The following CES3 variants were observed in gnomAD, a reference collection of about 807,000 sequenced individuals.
The protein encoded by CES3 is carboxylesterase 3 (brain).
Under a neutral mutation model 57.6 loss-of-function variants are expected in CES3, and 49 were observed. The ratio of observed to expected loss-of-function variants is 0.85; its 90% CI spans 0.68 to 1.08. The LOEUF is 1.08. Among genes scored for constraint, CES3 ranks in the 50% least tolerant of loss-of-function variants. The pLI, the probability that CES3 is intolerant of heterozygous loss-of-function variation, is 0.00. For missense variants in CES3, 645 were observed against 742.0 expected (o/e 0.87, Z 1.52); for synonymous variants, 266 against 281.6 (o/e 0.94, Z 0.55).
chr16:66,963,266 T>C lies in CES3; in HGVS notation c.170T>C (p.Val57Ala), dbSNP rs1567555173. ...GGCGTGAAGGGCACAGACCGCCTTGTGAATGTCTTTCTGGGCATTCCATTT... is the reference window on the plus strand; with the variant it reads ...GGCGTGAAGGGCACAGACCGCCTTGCGAATGTCTTTCTGGGCATTCCATTT... ...QVGVKGTDRLVNVFLGIPFAQ... is the reference protein window; with the variant it reads ...QVGVKGTDRLANVFLGIPFAQ... Residue 57 changes from valine to alanine, a missense_variant, in exon 2 of 13, where the codon GTG becomes GCG. Coordinates refer to ENST00000303334, the MANE Select transcript of CES3 (RefSeq NM_024922.6). The surrounding 1 kb of genome is among the most constrained non-coding windows in gnomAD (Gnocchi z 4.9). 1 of 1,613,968 alleles carries C rather than the reference T, an allele frequency of 6.2e-7. No individual in the cohort carries two copies. The highest frequency in any genetic ancestry group is 8.5e-7 in the Non-Finnish European group (1 of 1,180,002).
intron 8 of CES3, chr16:66,967,840 C>A: frequency 1.2e-6 from 1 of 829,968 alleles, no homozygotes; most frequent in Non-Finnish European, 1.5e-6. Context: ...TGACTCTCTA[C>A]TGCCTCAACC....
chr16:66,964,811 G>C (rs1456945050), intron 6 of CES3, 84 bp downstream of exon 6: 10 of 1,142,434 alleles, frequency 8.8e-6, no homozygotes, highest in Non-Finnish European at 1.2e-5. Flanking sequence ...GAGTAGCGGG[G>C]TTTGCTGGCA....
chr16:66,967,603 A>C (rs1392057922), intron 8 of CES3: 2 of 984,880 alleles, frequency 2.0e-6, no homozygotes, highest in African/African-American at 3.5e-5. Context: ...GAGTGTCAGC[A>C]CTGTGCTTTC....
In CES3 at chr16:66,963,588, G is replaced by T. The variant is rs61745806; in HGVS notation, c.385G>T (p.Val129Phe). 1 of 1,614,188 alleles carries T rather than the reference G, an allele frequency of 6.2e-7. No individual in the cohort carries two copies. Among genetic ancestry groups the T allele is most frequent in the South Asian group, 1.1e-5 (1 of 91,078 alleles). Reference sequence around the variant, plus strand: ...TTCAGAGGACTGCCTGGTCCTCAACGTCTATAGCCCAGCTGAGGTCCCCGC... The same window carrying T: ...TTCAGAGGACTGCCTGGTCCTCAACTTCTATAGCCCAGCTGAGGTCCCCGC... ...SVSEDCLVLN[V>F]YSPAEVPAGS... is the part of the protein sequence containing the mutation. Residue 129 changes from valine to phenylalanine, a missense_variant, in exon 3 of 13, where the codon GTC becomes TTC. Coordinates refer to ENST00000303334, the MANE Select transcript of CES3 (RefSeq NM_024922.6). The surrounding 1 kb of genome is among the most constrained non-coding windows in gnomAD (Gnocchi z 4.9).
chr16:66,964,335 G>A (rs755522842), intron 4 of CES3, 22 bp from the exon 5 acceptor site: 135 of 1,611,066 alleles, frequency 8.4e-5, no homozygotes, highest in Middle Eastern at 1.7e-4. Flanking sequence ...TGAACTAACC[G>A]TTGCCCCAAC....
At chr16:66,965,194 G>A (rs192958255) in intron 6 of CES3, among the ~76,000 whole-genome samples, 13 of 152,368 alleles carry the variant, frequency 8.5e-5, no homozygotes, top group Admixed American at 6.5e-4. Flanking sequence ...GAGCAAGCTC[G>A]CAGGTTAGGG....
At chr16:66,971,771 A>G (rs566772476) in intron 10 of CES3, among the ~76,000 whole-genome samples, 1 of 152,288 alleles carries the variant, frequency 6.6e-6, no homozygotes, top group East Asian at 1.9e-4. Flanking sequence ...TCCTTTGTAA[A>G]ATGGAAATAA....
In CES3 at chr16:66,971,330, C is replaced by G. The variant is rs770277752; in HGVS notation, c.1291+11C>G. On this transcript the variant is annotated intron_variant, in intron 10 of 12. Coordinates refer to ENST00000303334, the MANE Select transcript of CES3 (RefSeq NM_024922.6). The stretch of plus-strand genomic sequence containing the variant: ...CAAGATACCTTCGAGGTAAGCCTGT[C>G]CCTGGCCACCTGCCCAACCCCTCCC... 1.2e-6 allele frequency: 2 copies of G among 1,609,694 alleles called. No individual in the cohort carries two copies. Among genetic ancestry groups the G allele is most frequent in the South Asian group, 2.2e-5 (2 of 90,522 alleles).
At chr16:66,969,424 A>G (rs1347301179) in intron 8 of CES3, among the ~76,000 whole-genome samples, 1 of 152,132 alleles carries the variant, frequency 6.6e-6, no homozygotes, top group African/African-American at 2.4e-5. Context: ...AATGTTGAAG[A>G]AATTTTTCAT....
intron 10 of CES3, among the ~76,000 whole-genome samples, 164 bp from the exon 11 acceptor site, chr16:66,972,192 G>A (rs955180170): frequency 6.6e-6 from 1 of 152,116 alleles, no homozygotes; most frequent in African/African-American, 2.4e-5. Context: ...ACACAGAATG[G>A]TGCCTGTCAC....
chr16:66,969,860 A>G (rs1963800508), intron 9 of CES3, 101 bp downstream of exon 9: 1 of 979,932 alleles, frequency 1.0e-6, no homozygotes, highest in Non-Finnish European at 1.6e-6. Context: ...TCCGACACCC[A>G]CAGCTACCCA....
intron 9 of CES3, among the ~76,000 whole-genome samples, chr16:66,970,155 C>A (rs1356603247): frequency 6.9e-6 from 1 of 145,814 alleles, no homozygotes; most frequent in Non-Finnish European, 1.5e-5. Flanking sequence ...GTCGCCAAGG[C>A]TGGAGTGCAG....
Position 66,963,691 on chromosome 16 carries a change from C to G in CES3, c.426+62C>G, listed in dbSNP as rs1348075997. On this transcript the variant is annotated intron_variant, in intron 3 of 12. Transcript: ENST00000303334. This position sits in a 1 kb window ranked among gnomAD's most constrained non-coding sequence, Gnocchi z 4.9. ...CTCCACTATGCCTACCTGTCCCCTC[C>G]CCGTCCCTGTTTCCAAAGCACCCTA... is the stretch of plus-strand genomic sequence containing the variant. 2 of 1,613,164 alleles carry G rather than the reference C, an allele frequency of 1.2e-6. No homozygotes were observed. Among genetic ancestry groups the G allele is most frequent in the Admixed American group, 3.3e-5 (2 of 60,000 alleles).
intron 6 of CES3, 43 bp downstream of exon 6, chr16:66,964,770 T>G: frequency 6.6e-7 from 1 of 1,513,936 alleles, no homozygotes; most frequent in Non-Finnish European, 9.1e-7. Flanking sequence ...GTGCCTCCCA[T>G]ACCCCACTCT....
intron 8 of CES3, among the ~76,000 whole-genome samples, chr16:66,968,369 T>C (rs1471227588): frequency 2.0e-5 from 3 of 152,100 alleles, no homozygotes; most frequent in African/African-American, 4.8e-5. Context: ...GGTTTCTCCA[T>C]GTTGGACAGG....
At chr16:66,964,238 A>G (rs908350669) in intron 4 of CES3, 119 bp from the exon 5 acceptor site, 5 of 1,377,922 alleles carry the variant, frequency 3.6e-6, no homozygotes, top group African/African-American at 1.4e-5. Flanking sequence ...CGGCTCCCAG[A>G]CAGGCCAGAC....
rs202235987 is a variant in CES3 at position 66,972,451 on chromosome 16, G to A, written c.1387G>A (p.Glu463Lys). 6.2e-5 allele frequency: 100 copies of A among 1,614,070 alleles called. No individual in the cohort carries two copies. Among genetic ancestry groups the A allele is most frequent in the South Asian group, 1.9e-4 (17 of 91,074 alleles). The change falls in exon 11 of 13, where the codon GAG becomes AAG. Residue 463 changes from glutamate (E) to lysine (K), a missense_variant. Glu to Lys is a moderately conservative substitution (Grantham distance 56). Coordinates refer to ENST00000303334, the MANE Select transcript of CES3 (RefSeq NM_024922.6). ...CTGGGTGAAGGCTGATCATGGGGCC[G>A]AGGGTGCTTTTGTGTTCGGAGGTCC... is the stretch of plus-strand genomic sequence containing the variant. ...PAWVKADHGAEGAFVFGGPFL... is the reference protein window; with the variant it reads ...PAWVKADHGAKGAFVFGGPFL...
intron 10 of CES3, 23 bp downstream of exon 10, chr16:66,971,342 G>C: frequency 6.2e-7 from 1 of 1,605,024 alleles, no homozygotes; most frequent in Non-Finnish European, 8.5e-7. Flanking sequence ...CTGGCCACCT[G>C]CCCAACCCCT....
intron 8 of CES3, among the ~76,000 whole-genome samples, chr16:66,968,863 G>A (rs900257976): frequency 6.6e-6 from 1 of 152,116 alleles, no homozygotes; most frequent in Admixed American, 6.5e-5. Flanking sequence ...GCAGTGAGCC[G>A]AGACTGTCCC....
Sources: allele counts gnomAD v4.1 joint callset (sites outside exome capture counted in the v4.1 genomes callset), GRCh38; gene constraint gnomAD v4.1.1; non-coding constraint Gnocchi (gnomAD v3.1); transcripts MANE v1.5; gene names NCBI Gene and HGNC (gene_info 2026-07-23, HGNC 2026-07-21).